The following TNPO1 variants were observed in gnomAD, a reference collection of about 807,000 sequenced individuals.
The protein encoded by TNPO1 is transportin-1.
Under a neutral mutation model 119.5 loss-of-function variants are expected in TNPO1, and 8 were observed. The ratio of observed to expected loss-of-function variants is 0.07; its 90% CI spans 0.04 to 0.12. The LOEUF (loss-of-function observed/expected upper bound fraction) is 0.12. Ranked by LOEUF, TNPO1 falls within the 10% of genes least tolerant of loss-of-function variation. The pLI, the probability that TNPO1 is intolerant of heterozygous loss-of-function variation, is 1.00. For missense variants in TNPO1, 576 were observed against 1,089.8 expected (o/e 0.53, Z 6.64); for synonymous variants, 362 against 363.0 (o/e 1.00, Z 0.03).
At position 72,910,477 on chromosome 5, in the gene TNPO1, A is replaced by G. The variant is rs1467896668; in HGVS notation, c.*1804A>G. On this transcript the variant is annotated 3_prime_UTR_variant, in exon 25 of 25. Transcript: ENST00000337273. ...CCCATGATGATGAAGGAAAATGGAG[A>G]GATTTTTCTTTTTAACTCTGCTGGT... is the stretch of plus-strand genomic sequence containing the variant. 2 of 152,564 alleles carry G rather than the reference A, an allele frequency of 1.3e-5. No homozygotes were observed. The highest frequency in any genetic ancestry group is 2.9e-5 in the Non-Finnish European group (2 of 67,998). The allele number at this position is 152,564 out of a possible 1,614,324, so 9.5% of individuals were successfully genotyped here.
chr5:72,840,407 G>C (rs1297997694), intron 1 of TNPO1, among the ~76,000 whole-genome samples: 1 of 152,000 alleles, frequency 6.6e-6, no homozygotes, highest in African/African-American at 2.4e-5. Flanking sequence ...ATAATAACTG[G>C]CACATGGAAG....
chr5:72,870,776 A>G (rs1320217524), intron 6 of TNPO1, among the ~76,000 whole-genome samples: 7 of 152,170 alleles, frequency 4.6e-5, no homozygotes, highest in African/African-American at 1.7e-4. Context: ...TTCTGCCTTT[A>G]AATTTTGCCT....
At chr5:72,880,337 T>C (rs1748143913) in intron 9 of TNPO1, among the ~76,000 whole-genome samples, 2 of 152,230 alleles carry the variant, frequency 1.3e-5, no homozygotes, top group Non-Finnish European at 2.9e-5. Context: ...GTATAGCAGC[T>C]CTTGATTTCT....
intron 1 of TNPO1, among the ~76,000 whole-genome samples, chr5:72,841,563 A>G (rs1210662861): frequency 1.3e-5 from 2 of 150,342 alleles, no homozygotes; most frequent in Non-Finnish European, 1.5e-5. Context: ...CAGGTCTCGA[A>G]CTCATGACCT....
chr5:72,825,016 T>C (rs1299876006), intron 1 of TNPO1, among the ~76,000 whole-genome samples: 2 of 152,186 alleles, frequency 1.3e-5, no homozygotes, highest in Admixed American at 1.3e-4. Context: ...TACTTCACTT[T>C]TTCTTTTACT....
intron 9 of TNPO1, among the ~76,000 whole-genome samples, chr5:72,879,975 C>T (rs1748108672): frequency 6.6e-6 from 1 of 152,078 alleles, no homozygotes; most frequent in Admixed American, 6.6e-5. Context: ...ATCGCTTGAG[C>T]TCAGGAGTTC....
chr5:72,909,006 G>T lies in TNPO1; in HGVS notation c.*333G>T. On this transcript the variant is annotated 3_prime_UTR_variant, in exon 25 of 25. Transcript: ENST00000337273. Reference sequence around the variant, plus strand: ...ACAGTACATTGTGGAATATTATGGGGAATTGTACCAAAACAAGAACCATAT... The same window carrying T: ...ACAGTACATTGTGGAATATTATGGGTAATTGTACCAAAACAAGAACCATAT... 2.7e-6 allele frequency: 1 copy of T among 376,692 alleles called. No homozygotes were observed. The highest frequency in any genetic ancestry group is 2.0e-5 in the South Asian group (1 of 50,764). The allele number at this position is 376,692 out of a possible 1,614,324, so 23.3% of individuals were successfully genotyped here. A position where few individuals can be genotyped will look rare whatever the true frequency, so the allele number is the denominator to read the frequency against.
chr5:72,891,532 G>C (rs1371358940), intron 14 of TNPO1, among the ~76,000 whole-genome samples: 2 of 152,126 alleles, frequency 1.3e-5, no homozygotes, highest in Admixed American at 6.6e-5. Flanking sequence ...TTGATTAGCT[G>C]TGTGTTTATT....
At chr5:72,839,208 A>G (rs1030301970) in intron 1 of TNPO1, among the ~76,000 whole-genome samples, 6 of 152,196 alleles carry the variant, frequency 3.9e-5, no homozygotes, top group African/African-American at 1.4e-4. Context: ...ATCCTATGAT[A>G]CTAAGAGAAT....
chr5:72,891,956 G>T, intron 15 of TNPO1, 60 bp downstream of exon 15: 1 of 1,269,540 alleles, frequency 7.9e-7, no homozygotes. Context: ...ATCCAAAATG[G>T]GTATATATGA....
intron 5 of TNPO1, among the ~76,000 whole-genome samples, chr5:72,862,747 G>A (rs1746554474): frequency 6.6e-6 from 1 of 152,088 alleles, no homozygotes; most frequent in Admixed American, 6.5e-5. Context: ...CCAGAATCAA[G>A]TGATTCTCCC....
At chr5:72,853,943 G>A (rs1284860648) in intron 3 of TNPO1, among the ~76,000 whole-genome samples, 1 of 152,132 alleles carries the variant, frequency 6.6e-6, no homozygotes, top group Non-Finnish European at 1.5e-5. Context: ...ATCGTTAGTC[G>A]TTGAATTTTT....
chr5:72,842,323 T>C (rs1744950498), intron 1 of TNPO1, among the ~76,000 whole-genome samples: 1 of 152,142 alleles, frequency 6.6e-6, no homozygotes, highest in South Asian at 2.1e-4. Context: ...GACTGGACAC[T>C]GGAGCCAGAT....
At chr5:72,896,239 TTTC>T (rs1262182214) in intron 18 of TNPO1, among the ~76,000 whole-genome samples, 1 of 152,190 alleles carries the variant, frequency 6.6e-6, no homozygotes, top group African/African-American at 2.4e-5. Context: ...TTTTCTTCAG[TTTC>T]TTAAGATAAA....
At chr5:72,841,621 G>A (rs577907083) in intron 1 of TNPO1, among the ~76,000 whole-genome samples, 70 of 152,134 alleles carry the variant, frequency 4.6e-4, no homozygotes, top group Non-Finnish European at 9.0e-4. Flanking sequence ...TTACAGGAAT[G>A]AGCCACCGCG....
At chr5:72,857,154 A>G (rs1255521840) in intron 4 of TNPO1, among the ~76,000 whole-genome samples, 2 of 152,110 alleles carry the variant, frequency 1.3e-5, no homozygotes, top group African/African-American at 4.8e-5. Context: ...TGTCTCTACT[A>G]AAAATACAAA....
Position 72,901,081 on chromosome 5 carries a change from G to C in TNPO1, c.2514+8G>C, listed in dbSNP as rs747765559. On this transcript the variant is annotated splice_region_variant and intron_variant, in intron 22 of 24. Transcript: ENST00000337273. ...CCCAGTGGCGTAATCCAAGTAAGAT[G>C]TTCACAAAGATTTGTTTTTAATGTC... 40 of 1,571,744 alleles carry C rather than the reference G, an allele frequency of 2.5e-5. No homozygotes were observed. Among genetic ancestry groups the C allele is most frequent in the African/African-American group, 4.1e-5 (3 of 73,336 alleles).
At chr5:72,905,502 C>T (rs939837189) in intron 24 of TNPO1, 57 bp downstream of exon 24, 39 of 761,374 alleles carry the variant, frequency 5.1e-5, no homozygotes, top group Non-Finnish European at 7.8e-5. Context: ...TTAGGGCTGT[C>T]ATTTCAAACT....
chr5:72,875,441 C>A (rs894580121), intron 7 of TNPO1, among the ~76,000 whole-genome samples, 174 bp from the exon 8 acceptor site: 1 of 152,206 alleles, frequency 6.6e-6, no homozygotes, highest in Non-Finnish European at 1.5e-5. Context: ...TTATCAAAAT[C>A]ATAATCTTTG....
Sources: gnomAD v4.1 joint callset for allele counts (sites outside exome capture counted in the v4.1 genomes callset) on GRCh38, gnomAD v4.1.1 for gene constraint, MANE v1.5 for transcripts, NCBI Gene and HGNC (gene_info 2026-07-23, HGNC 2026-07-21) for gene names.